Variants in MIPOL1 observed in about 807,000 individuals in gnomAD.
The protein encoded by MIPOL1 is mirror-image polydactyly 1.
In MIPOL1, 57 loss-of-function variants were observed where a neutral mutation model predicts 60.9. That is an observed-to-expected ratio of 0.94 (90% CI 0.76 to 1.17). MIPOL1 has a LOEUF of 1.17. Ranked by LOEUF, MIPOL1 falls within the 50% of genes most tolerant of loss-of-function variation. MIPOL1 has a pLI of 0.00. For synonymous variants in MIPOL1, 179 were observed against 168.8 expected (o/e 1.06, Z -0.47); for missense variants, 551 against 511.6 (o/e 1.08, Z -0.74).
chr14:37,244,935 A>G (rs17106509), intron 1 of MIPOL1, among the ~76,000 whole-genome samples: 5,494 of 152,256 alleles, frequency 0.036, 232 homozygotes, highest in East Asian at 0.24. Context: ...AAACATTAAA[A>G]CATCTAATTT....
chr14:37,523,024 A>G (rs961547816), intron 12 of MIPOL1, among the ~76,000 whole-genome samples: 1 of 152,156 alleles, frequency 6.6e-6, no homozygotes, highest in Non-Finnish European at 1.5e-5. Context: ...ACTTTAAAAT[A>G]TCATTTAAGT....
At chr14:37,367,181 T>G (rs559265200) in intron 9 of MIPOL1, among the ~76,000 whole-genome samples, 23 of 150,922 alleles carry the variant, frequency 1.5e-4, no homozygotes, top group African/African-American at 5.6e-4. Flanking sequence ...TCAATCCCAT[T>G]GCTTCAAAAT....
At chr14:37,389,078 A>G (rs1440167775) in intron 10 of MIPOL1, among the ~76,000 whole-genome samples, 1 of 152,148 alleles carries the variant, frequency 6.6e-6, no homozygotes, top group Non-Finnish European at 1.5e-5. Flanking sequence ...CTCTAAAATG[A>G]TTACTGTGAC....
At chr14:37,203,853 G>T (rs1374015737) in intron 1 of MIPOL1, among the ~76,000 whole-genome samples, 1 of 152,098 alleles carries the variant, frequency 6.6e-6, no homozygotes, top group Non-Finnish European at 1.5e-5. Context: ...TGCGATCTTG[G>T]CTCACTGCAA....
At chr14:37,297,716 G>T (rs904246379) in intron 7 of MIPOL1, among the ~76,000 whole-genome samples, 1 of 152,034 alleles carries the variant, frequency 6.6e-6, no homozygotes, top group Admixed American at 6.6e-5. Context: ...TTGCTTCAAA[G>T]AGAATAAAAT....
chr14:37,429,337 T>G (rs1161685014), intron 11 of MIPOL1, among the ~76,000 whole-genome samples: 1 of 152,196 alleles, frequency 6.6e-6, no homozygotes, highest in Non-Finnish European at 1.5e-5. Flanking sequence ...CCTTGTTGTT[T>G]GGAGCCAGTA....
In MIPOL1 at chr14:37,460,513, A is replaced by G. The variant is rs556673463; in HGVS notation, c.1031+37564A>G. 6.1e-4 allele frequency among the ~76,000 whole-genome samples: 93 copies of G among 152,324 alleles called. 1 individual carries two copies. The highest frequency in any genetic ancestry group is 1.2e-3 in the Non-Finnish European group (80 of 68,024). Reference sequence around the variant, plus strand: ...AATACTGGAAATTCTAGCCAAAGCAATCAGGCAAGAGAAAGAAATAGAAGG... The same window carrying G: ...AATACTGGAAATTCTAGCCAAAGCAGTCAGGCAAGAGAAAGAAATAGAAGG... On this transcript the variant is annotated intron_variant, in intron 11 of 12. Transcript: ENST00000684589.
intron 11 of MIPOL1, among the ~76,000 whole-genome samples, chr14:37,447,759 A>C (rs2094358815): frequency 6.6e-6 from 1 of 152,188 alleles, no homozygotes; most frequent in Non-Finnish European, 1.5e-5. Flanking sequence ...GCTAGAGTCA[A>C]CATAACTTCT....
At chr14:37,470,493 C>T (rs2094669703) in intron 11 of MIPOL1, among the ~76,000 whole-genome samples, 1 of 151,930 alleles carries the variant, frequency 6.6e-6, no homozygotes, top group Non-Finnish European at 1.5e-5. Flanking sequence ...ACCTCCTCTT[C>T]CTCTCTCTCT....
intron 9 of MIPOL1, 65 bp from the exon 10 acceptor site, chr14:37,369,452 C>G: frequency 1.8e-6 from 2 of 1,099,588 alleles, no homozygotes; most frequent in Non-Finnish European, 2.7e-6. Context: ...TACATTAATT[C>G]ATGTGGCTTG....
chr14:37,514,774 A>T (rs924762230), intron 12 of MIPOL1, among the ~76,000 whole-genome samples: 3 of 152,088 alleles, frequency 2.0e-5, no homozygotes, highest in African/African-American at 7.2e-5. Context: ...GGCATGTGCT[A>T]CCATGCCTGG....
intron 11 of MIPOL1, among the ~76,000 whole-genome samples, chr14:37,496,612 T>A (rs867854264): frequency 0.017 from 2,530 of 149,206 alleles, 32 homozygotes; most frequent in African/African-American, 0.058. Context: ...AAGGACCTCT[T>A]CAAGGAGAAC....
intron 3 of MIPOL1, among the ~76,000 whole-genome samples, chr14:37,259,651 TA>T (rs2082378147): frequency 6.6e-6 from 1 of 152,082 alleles, no homozygotes; most frequent in Non-Finnish European, 1.5e-5. Context: ...ACTGAGCACT[TA>T]AAATCTGGGT....
At chr14:37,295,702 A>G (rs980487798) in intron 7 of MIPOL1, among the ~76,000 whole-genome samples, 26 of 152,150 alleles carry the variant, frequency 1.7e-4, no homozygotes, top group African/African-American at 6.3e-4. Context: ...CAAAAGAGAC[A>G]AAGAAGGCCA....
intron 1 of MIPOL1, among the ~76,000 whole-genome samples, chr14:37,201,428 A>G (rs1206343411): frequency 6.6e-6 from 1 of 152,180 alleles, no homozygotes; most frequent in Non-Finnish European, 1.5e-5. Flanking sequence ...TTTCTTTGAT[A>G]TTATTTAAAA....
intron 12 of MIPOL1, chr14:37,502,939 G>A (rs566236024): frequency 6.6e-6 from 1 of 152,306 alleles, no homozygotes; most frequent in East Asian, 1.9e-4. Flanking sequence ...TGACCTGATG[G>A]AGATGAAAAC....
At chr14:37,410,806 A>C (rs2153538993) in intron 10 of MIPOL1, among the ~76,000 whole-genome samples, 1 of 152,248 alleles carries the variant, frequency 6.6e-6, no homozygotes, top group South Asian at 2.1e-4. Context: ...GGTAACCGTT[A>C]AAAGAATAGA....
Position 37,236,442 on chromosome 14 carries a change from A to AATT in MIPOL1, c.-198-10645_-198-10643dup, listed in dbSNP as rs923197410. Among the ~76,000 whole-genome samples the AATT allele has an allele frequency of 4.6e-5, 7 of 151,060 alleles. No homozygotes were observed. The East Asian group carries it at 1.2e-3, about 25-fold the overall frequency. ...GTGTGTTTCTTTTGAGGCTTTTCTA[A>AATT]ATTATTATTATTATTATTTTTGAGA... On this transcript the variant is annotated intron_variant, in intron 1 of 12. Coordinates refer to ENST00000684589, the MANE Select transcript of MIPOL1 (RefSeq NM_001388067.1).
intron 10 of MIPOL1, among the ~76,000 whole-genome samples, chr14:37,373,398 CT>C (rs112401995): frequency 8.1e-4 from 119 of 146,212 alleles, no homozygotes; most frequent in Non-Finnish European, 1.0e-3. Flanking sequence ...CCTTTCTATC[CT>C]TTTTTTTTTT....
Sources: allele counts gnomAD v4.1 joint callset (sites outside exome capture counted in the v4.1 genomes callset), GRCh38; gene constraint gnomAD v4.1.1; transcripts MANE v1.5; gene names NCBI Gene and HGNC (gene_info 2026-07-23, HGNC 2026-07-21).